CASK: variants seen among roughly 807,000 people sequenced by gnomAD.
CASK encodes the protein calcium/calmodulin dependent serine protein kinase, also known as peripheral plasma membrane protein CASK.
In CASK, 4 loss-of-function variants were observed where a neutral mutation model predicts 82.9. The observed-to-expected ratio is 0.05, with a 90% CI of 0.02 to 0.11. The LOEUF (loss-of-function observed/expected upper bound fraction) is 0.11, where lower values mean the gene tolerates loss of function less well. Among genes scored for constraint, CASK ranks in the 10% least tolerant of loss-of-function variants. The pLI is 1.00. For synonymous variants in CASK, 259 were observed against 253.5 expected, an observed-to-expected ratio of 1.02 and a Z score of -0.20; for missense variants, 358 against 720.9, an observed-to-expected ratio of 0.50 and a Z score of 5.76.
intron 8 of CASK, among the ~76,000 whole-genome samples, chrX:41,641,939 C>G (rs1298542772): frequency 9.9e-6 from 1 of 100,998 alleles, no homozygotes; most frequent in Non-Finnish European, 2.0e-5. Context: ...TGTTCCCCAC[C>G]CTGTGTCCAA....
At chrX:41,803,434 T>TA (rs1327226108) in intron 2 of CASK, among the ~76,000 whole-genome samples, 2 of 109,844 alleles carry the variant, frequency 1.8e-5, no homozygotes, top group Non-Finnish European at 3.8e-5. Context: ...CTAAAAATAT[T>TA]AAAAAAAATT....
At chrX:41,909,117 T>G (rs2072518283) in intron 1 of CASK, among the ~76,000 whole-genome samples, 1 of 111,845 alleles carries the variant, frequency 8.9e-6, no homozygotes, top group African/African-American at 3.3e-5. Context: ...ATAGCTGTGC[T>G]CCAACCCCAG....
rs150353415 is a variant in CASK at position 41,660,410 on chromosome X, T to C, written c.831+29A>G. The C allele has an allele frequency of 9.5e-4, 1,114 of 1,170,921 alleles. 8 individuals carry two copies. In the East Asian group the frequency reaches 0.03, roughly 32 times the overall value. On this transcript the variant is annotated intron_variant, in intron 8 of 26. Transcript: ENST00000378163. ...TCACTGGAAGTGTTCAGACAAAGTG[T>C]AGAAGGTGACCTGTGAATGCTCATG...
intron 2 of CASK, among the ~76,000 whole-genome samples, chrX:41,842,351 A>G (rs1307456692): frequency 2.7e-5 from 3 of 110,501 alleles, no homozygotes; most frequent in Non-Finnish European, 5.7e-5. Flanking sequence ...TGGGCAGATC[A>G]TCTGAGGTCA....
intron 4 of CASK, among the ~76,000 whole-genome samples, chrX:41,740,674 C>CCAAGCCTTGTTCCTGTACTAATCA (rs1459930218): frequency 9.0e-6 from 1 of 111,396 alleles, no homozygotes; most frequent in Non-Finnish European, 1.9e-5. Context: ...AAAAACAAAC[C>CCAAGCCTTGTTCCTGTACTAATCA]CAAGCCTTGT....
chrX:41,740,688 T>G (rs1403736724), intron 4 of CASK, among the ~76,000 whole-genome samples: 1 of 111,772 alleles, frequency 8.9e-6, no homozygotes, highest in African/African-American at 3.3e-5. Context: ...GCCTTGTTCC[T>G]GTACTAATCA....
chrX:41,717,666 G>C (rs1235622351), intron 5 of CASK, among the ~76,000 whole-genome samples: 1 of 111,943 alleles, frequency 8.9e-6, no homozygotes, highest in Non-Finnish European at 1.9e-5. Flanking sequence ...AGACTGAATG[G>C]AAGCCTGCAA....
chrX:41,680,183 CAA>C (rs1249667322), intron 5 of CASK, among the ~76,000 whole-genome samples: 14 of 79,866 alleles, frequency 1.8e-4, no homozygotes, highest in Non-Finnish European at 9.9e-5. Flanking sequence ...GACCTTGTCT[CAA>C]AAAAAAAAAA....
chrX:41,691,039 TATAAC>T (rs1055669719), intron 5 of CASK, among the ~76,000 whole-genome samples: 1 of 112,140 alleles, frequency 8.9e-6, no homozygotes, highest in African/African-American at 3.2e-5. Flanking sequence ...TGGCCACTAT[TATAAC>T]ATAAACAAAT....
chrX:41,643,839 C>A (rs1332937006), intron 8 of CASK, among the ~76,000 whole-genome samples: 1 of 111,931 alleles, frequency 8.9e-6, no homozygotes, highest in Non-Finnish European at 1.9e-5. Flanking sequence ...AGAGGGCATT[C>A]CTGTCTTGTG....
At chrX:41,819,717 GT>G (rs1485619247) in intron 2 of CASK, among the ~76,000 whole-genome samples, 1 of 111,444 alleles carries the variant, frequency 9.0e-6, no homozygotes, top group Non-Finnish European at 1.9e-5. Context: ...TACCACATGG[GT>G]ATATAAAAAA....
chrX:41,859,230 GA>G (rs1016235492), intron 1 of CASK, among the ~76,000 whole-genome samples: 28 of 111,428 alleles, frequency 2.5e-4, no homozygotes, highest in African/African-American at 8.2e-4. Context: ...ATTTAAAAAA[GA>G]AAAGACAAAG....
intron 5 of CASK, among the ~76,000 whole-genome samples, chrX:41,715,898 G>A (rs2147644822): frequency 8.9e-6 from 1 of 112,520 alleles, no homozygotes; most frequent in South Asian, 3.7e-4. Flanking sequence ...TGAACAAGCT[G>A]GCAAGTGAGG....
intron 8 of CASK, among the ~76,000 whole-genome samples, chrX:41,644,043 T>C (rs1414263553): frequency 1.8e-5 from 2 of 112,419 alleles, no homozygotes; most frequent in African/African-American, 6.5e-5. Context: ...ATGTGGTTTT[T>C]GTTGTTGGTT....
At chrX:41,862,339 G>A (rs1349593380) in intron 1 of CASK, among the ~76,000 whole-genome samples, 1 of 109,797 alleles carries the variant, frequency 9.1e-6, no homozygotes, top group East Asian at 2.9e-4. Flanking sequence ...CCAGGAGTTC[G>A]AGACCAGCCT....
rs755866053 is a variant in CASK, at chrX:41,643,112, T to C, written c.832-6451A>G. On this transcript the variant is annotated intron_variant, in intron 8 of 26. Transcript: ENST00000378163. ...GTTCTGTTCCATTGGTCTATATCTC[T>C]GTTTTGGTACGAGTACCATGCTGTT... Among the ~76,000 whole-genome samples the C allele has an allele frequency of 1.7e-4, 19 of 111,800 alleles. No homozygotes were observed. In the South Asian group the frequency reaches 5.6e-3, roughly 33 times the overall value.
chrX:41,912,566 C>T (rs2072595135), intron 1 of CASK, among the ~76,000 whole-genome samples: 2 of 107,990 alleles, frequency 1.9e-5, no homozygotes, highest in African/African-American at 6.7e-5. Context: ...CCTCAGCCTT[C>T]CAACGTGCTG....
At chrX:41,581,937 T>G (rs1286803800) in intron 14 of CASK, among the ~76,000 whole-genome samples, 1 of 111,565 alleles carries the variant, frequency 9.0e-6, no homozygotes, top group East Asian at 2.8e-4. Flanking sequence ...GGCCACTGAT[T>G]GGTGAGTGAC....
intron 1 of CASK, among the ~76,000 whole-genome samples, chrX:41,905,357 G>A (rs149298747): frequency 1.3e-4 from 14 of 111,908 alleles, no homozygotes; most frequent in Middle Eastern, 4.6e-3. Context: ...TCCCACCAAC[G>A]TACGAGAGAT....
Sources: allele counts gnomAD v4.1 joint callset (sites outside exome capture counted in the v4.1 genomes callset), GRCh38; gene constraint gnomAD v4.1.1; transcripts MANE v1.5; gene names NCBI Gene and HGNC (gene_info 2026-07-23, HGNC 2026-07-21).